The following ANP32B variants were observed in gnomAD, a reference collection of about 807,000 sequenced individuals.
ANP32B encodes acidic nuclear phosphoprotein 32 family member B, also known as acidic leucine-rich nuclear phosphoprotein 32 family member B.
In ANP32B, 6 loss-of-function variants were observed where a neutral mutation model predicts 32.2. That is an observed-to-expected ratio of 0.19 (90% CI 0.10 to 0.37). ANP32B has a LOEUF of 0.37. ANP32B is among the 10% of genes least tolerant of loss of function. ANP32B has a pLI of 1.00. For synonymous variants in ANP32B, 98 were observed against 105.8 expected (o/e 0.93, Z 0.45); for missense variants, 204 against 289.2 (o/e 0.71, Z 2.14).
intron 3 of ANP32B, among the ~76,000 whole-genome samples, chr9:98,004,578 G>A (rs545606850): frequency 7.2e-5 from 11 of 152,222 alleles, no homozygotes; most frequent in South Asian, 6.2e-4. Flanking sequence ...ATTAAAGACC[G>A]CTTGATACCC....
chr9:97,996,148 T>G (rs1009353537), intron 2 of ANP32B, among the ~76,000 whole-genome samples: 1 of 152,164 alleles, frequency 6.6e-6, no homozygotes, highest in South Asian at 2.1e-4. Flanking sequence ...ATCAGTGACA[T>G]TGGAAGCTCT....
intron 3 of ANP32B, among the ~76,000 whole-genome samples, chr9:98,000,445 C>T (rs1827971184): frequency 6.6e-6 from 1 of 152,174 alleles, no homozygotes; most frequent in African/African-American, 2.4e-5. Context: ...TCAAACCAAC[C>T]CCCATTTCCA....
chr9:97,996,634 C>T (rs559430321), intron 2 of ANP32B, among the ~76,000 whole-genome samples: 6 of 152,166 alleles, frequency 3.9e-5, no homozygotes, highest in African/African-American at 1.2e-4. Flanking sequence ...ACTCTTGTTG[C>T]CCAGGTTGGA....
intron 1 of ANP32B, among the ~76,000 whole-genome samples, chr9:97,990,446 T>C (rs536055531): frequency 1.6e-4 from 24 of 152,350 alleles, no homozygotes; most frequent in African/African-American, 4.6e-4. Context: ...CTTTATGCAG[T>C]AATTCCCATT....
chr9:97,987,841 C>T (rs1344956487), intron 1 of ANP32B, among the ~76,000 whole-genome samples: 10 of 152,136 alleles, frequency 6.6e-5, no homozygotes, highest in Admixed American at 5.9e-4. Flanking sequence ...AGCTTTTGAC[C>T]TCTTTTGTTG....
intron 1 of ANP32B, 71 bp downstream of exon 1, chr9:97,983,680 C>T (rs1263646085): frequency 6.3e-6 from 8 of 1,274,216 alleles, no homozygotes; most frequent in South Asian, 5.9e-5. Flanking sequence ...CTGCGGGGCC[C>T]GGGCTGAGGG....
At chr9:97,998,736 C>A in intron 3 of ANP32B, 58 bp downstream of exon 3, 2 of 1,236,174 alleles carry the variant, frequency 1.6e-6, no homozygotes, top group South Asian at 1.7e-5. Context: ...TTTCATATTT[C>A]TTTATAGTGG....
chr9:97,994,053 A>T (rs1827869460), intron 1 of ANP32B, among the ~76,000 whole-genome samples: 1 of 152,228 alleles, frequency 6.6e-6, no homozygotes, highest in Non-Finnish European at 1.5e-5. Context: ...TGCAATCCAG[A>T]TTGATCTTTG....
chr9:97,991,674 T>C (rs937357310), intron 1 of ANP32B, among the ~76,000 whole-genome samples: 1 of 152,194 alleles, frequency 6.6e-6, no homozygotes, highest in Non-Finnish European at 1.5e-5. Context: ...ACATTTTAAA[T>C]AAAGAACTCT....
chr9:97,994,818 C>T (rs768248227), intron 2 of ANP32B, 38 bp downstream of exon 2: 14 of 1,548,524 alleles, frequency 9.0e-6, no homozygotes, highest in Non-Finnish European at 1.2e-5. Flanking sequence ...GAGAACGATC[C>T]TGGGAAGGGA....
intron 1 of ANP32B, 108 bp downstream of exon 1, chr9:97,983,717 C>A: frequency 1.2e-6 from 1 of 862,478 alleles, no homozygotes; most frequent in Non-Finnish European, 1.6e-6. Flanking sequence ...CGGGGAAGAG[C>A]GCAGCTCGTG....
In ANP32B at chr9:97,994,788, C is replaced by G. The variant is rs1299515901; in HGVS notation, c.204+8C>G. 1 of 1,581,662 alleles carries G rather than the reference C, an allele frequency of 6.3e-7. No individual in the cohort carries two copies. On this transcript the variant is annotated splice_region_variant and intron_variant, in intron 2 of 6. Transcript: ENST00000339399. The stretch of plus-strand genomic sequence containing the variant: ...CTGCCTAAATTGAAAAAGGTAAGTG[C>G]TTTTTCTTTAACAGTAAAAGAGAAC...
intron 4 of ANP32B, among the ~76,000 whole-genome samples, chr9:98,005,564 G>A (rs536600896): frequency 1.3e-5 from 2 of 152,136 alleles, no homozygotes; most frequent in South Asian, 2.1e-4. Flanking sequence ...GGAAAATAGT[G>A]TGTGTTTGTG....
intron 1 of ANP32B, among the ~76,000 whole-genome samples, chr9:97,989,638 C>A (rs764526395): frequency 6.6e-6 from 1 of 152,020 alleles, no homozygotes; most frequent in Non-Finnish European, 1.5e-5. Context: ...TTGATTAGGA[C>A]CTCTGGTTTA....
In ANP32B at chr9:97,983,385, T is replaced by C; in HGVS notation, c.-171T>C. On this transcript the variant is annotated 5_prime_UTR_variant, in exon 1 of 7. Transcript: ENST00000339399. Reference sequence around the variant, plus strand: ...TCTCCGCTCCCGTGAGTAACTTGGCTCCGGGGGCTCCGCTCGCCTGCCCGC... The same window carrying C: ...TCTCCGCTCCCGTGAGTAACTTGGCCCCGGGGGCTCCGCTCGCCTGCCCGC... The C allele has an allele frequency of 1.7e-6, 1 of 571,432 alleles. No homozygotes were observed. Among genetic ancestry groups the C allele is most frequent in the Non-Finnish European group, 3.1e-6 (1 of 323,600 alleles). 35.4% of individuals were successfully genotyped at this position (571,432 alleles called of 1,614,324 possible). A position where few individuals can be genotyped will look rare whatever the true frequency, so the allele number is the denominator to read the frequency against.
In ANP32B at chr9:98,015,576, T is replaced by C; in HGVS notation, c.*145T>C. ...ACCCAAAGAGCCAAAGAATAGTTCC[T>C]GTGACATTCCGCCTTCCTTCCATGT... On this transcript the variant is annotated 3_prime_UTR_variant, in exon 7 of 7. Transcript: ENST00000339399. 7.3e-7 allele frequency: 1 copy of C among 1,379,112 alleles called. No homozygotes were observed. The highest frequency in any genetic ancestry group is 9.4e-7 in the Non-Finnish European group (1 of 1,060,980). 85.4% of individuals were successfully genotyped at this position (1,379,112 alleles called of 1,614,324 possible).
At position 98,015,792 on chromosome 9, in the gene ANP32B, TAAATA is replaced by T; in HGVS notation, c.*366_*370del. The T allele has an allele frequency of 1.0e-6, 1 of 989,184 alleles. No individual in the cohort carries two copies. The highest frequency in any genetic ancestry group is 1.2e-6 in the Non-Finnish European group (1 of 831,928). 61.3% of individuals were successfully genotyped at this position (989,184 alleles called of 1,614,324 possible). A position where few individuals can be genotyped will look rare whatever the true frequency, so the allele number is the denominator to read the frequency against. Reference sequence around the variant, plus strand: ...CTTTCTGTACAACAAAAAAGCTTTGTAAATAAAATCTTAACATTTTGGGTCTGTTT... The same window carrying T: ...CTTTCTGTACAACAAAAAAGCTTTGTAAATCTTAACATTTTGGGTCTGTTT... On this transcript the variant is annotated 3_prime_UTR_variant, in exon 7 of 7. Transcript: ENST00000339399.
chr9:97,993,180 A>G (rs745774715), intron 1 of ANP32B, among the ~76,000 whole-genome samples: 4 of 152,232 alleles, frequency 2.6e-5, no homozygotes, highest in Non-Finnish European at 4.4e-5. Context: ...AAGAGGAAGT[A>G]GACAGGGTAG....
Position 98,015,610 on chromosome 9 carries a change from T to C in ANP32B, c.*179T>C, listed in dbSNP as rs937136302. 2 of 1,324,450 alleles carry C rather than the reference T, an allele frequency of 1.5e-6. No individual in the cohort carries two copies. The highest frequency in any genetic ancestry group is 9.7e-7 in the Non-Finnish European group (1 of 1,029,928). 82.0% of individuals were successfully genotyped at this position (1,324,450 alleles called of 1,614,324 possible). A position where few individuals can be genotyped will look rare whatever the true frequency, so the allele number is the denominator to read the frequency against. On this transcript the variant is annotated 3_prime_UTR_variant, in exon 7 of 7. Coordinates refer to ENST00000339399, the MANE Select transcript of ANP32B (RefSeq NM_006401.3). Reference sequence around the variant, plus strand: ...CCGCCTTCCTTCCATGTAGTCCCTCTTGGTAATCTACCACCAAGCTTGTGG... The same window carrying C: ...CCGCCTTCCTTCCATGTAGTCCCTCCTGGTAATCTACCACCAAGCTTGTGG...
Sources: gnomAD v4.1 joint callset for allele counts (sites outside exome capture counted in the v4.1 genomes callset) on GRCh38, gnomAD v4.1.1 for gene constraint, MANE v1.5 for transcripts, NCBI Gene and HGNC (gene_info 2026-07-23, HGNC 2026-07-21) for gene names.